ADAM12: variants seen among roughly 807,000 people sequenced by gnomAD.
ADAM12 encodes disintegrin and metalloproteinase domain-containing protein 12.
Under a neutral mutation model 106.4 loss-of-function variants are expected in ADAM12, and 70 were observed. The observed-to-expected ratio is 0.66, with a 90% confidence interval of 0.54 to 0.80. The LOEUF (loss-of-function observed/expected upper bound fraction) is 0.80, where lower values mean the gene tolerates loss of function less well. Ranked by LOEUF, ADAM12 falls within the 30% of genes least tolerant of loss-of-function variation. The pLI is 0.00. For synonymous variants in ADAM12, 420 were observed against 433.5 expected (o/e 0.97, Z 0.39); for missense variants, 1,010 against 1,171.9 (o/e 0.86, Z 2.02).
chr10:126,057,713 C>T (rs1017238211), intron 14 of ADAM12, among the ~76,000 whole-genome samples: 1 of 152,170 alleles, frequency 6.6e-6, no homozygotes, highest in Non-Finnish European at 1.5e-5. Context: ...GAACCACACA[C>T]TGGCCACACC....
intron 3 of ADAM12, among the ~76,000 whole-genome samples, chr10:126,188,898 A>C (rs555904310): frequency 6.6e-6 from 1 of 151,884 alleles, no homozygotes; most frequent in Admixed American, 6.6e-5. Context: ...TCATTCATCT[A>C]TCTGTCCATC....
intron 3 of ADAM12, among the ~76,000 whole-genome samples, chr10:126,156,808 T>C (rs1956825249): frequency 6.6e-6 from 1 of 152,188 alleles, no homozygotes; most frequent in Non-Finnish European, 1.5e-5. Flanking sequence ...GCAGATAATG[T>C]CAAGGTCAGG....
chr10:126,272,500 T>C (rs1590715247), intron 3 of ADAM12, among the ~76,000 whole-genome samples: 1 of 152,186 alleles, frequency 6.6e-6, no homozygotes, highest in South Asian at 2.1e-4. Flanking sequence ...TATTAATGTT[T>C]AGTAAAGATA....
intron 4 of ADAM12, among the ~76,000 whole-genome samples, chr10:126,140,896 G>T (rs941134940): frequency 6.6e-6 from 1 of 152,168 alleles, no homozygotes; most frequent in Non-Finnish European, 1.5e-5. Context: ...TGGGGGTGGG[G>T]GGTGACCCTC....
chr10:126,025,020 AAAC>A (rs1458367520), intron 21 of ADAM12, among the ~76,000 whole-genome samples: 2 of 152,122 alleles, frequency 1.3e-5, no homozygotes, highest in East Asian at 3.9e-4. Flanking sequence ...GTTAAACAGA[AAAC>A]AACAATAACC....
chr10:126,090,404 C>T (rs1403920016), intron 11 of ADAM12, among the ~76,000 whole-genome samples: 2 of 150,996 alleles, frequency 1.3e-5, no homozygotes, highest in Non-Finnish European at 1.5e-5. Flanking sequence ...TTTACTATTA[C>T]GCTAAATATT....
At chr10:126,058,705 C>A (rs774126197) in intron 14 of ADAM12, among the ~76,000 whole-genome samples, 2 of 152,210 alleles carry the variant, frequency 1.3e-5, no homozygotes, top group African/African-American at 2.4e-5. Flanking sequence ...TGATCCCGGT[C>A]AGGATAGCGG....
Position 126,385,351 on chromosome 10 carries a change from G to T in ADAM12, c.88+2707C>A, listed in dbSNP as rs144307643. Among the ~76,000 whole-genome samples the T allele has an allele frequency of 4.8e-3, 729 of 152,294 alleles. 2 individuals carry two copies. Among genetic ancestry groups the T allele is most frequent in the African/African-American group, 0.017 (693 of 41,550 alleles). On this transcript the variant is annotated intron_variant, in intron 1 of 22. Coordinates refer to ENST00000448723, the MANE Select transcript of ADAM12 (RefSeq NM_001288973.2). ...CCCCTCCCTGGAGGTTGCAAGGGAGGTGGCACTAAAAGTCCCAACTCTAAT... is the reference window on the plus strand; with the variant it reads ...CCCCTCCCTGGAGGTTGCAAGGGAGTTGGCACTAAAAGTCCCAACTCTAAT...
At chr10:126,251,679 TGGAGA>T (rs1314730536) in intron 3 of ADAM12, among the ~76,000 whole-genome samples, 15 of 144,804 alleles carry the variant, frequency 1.0e-4, no homozygotes, top group South Asian at 6.7e-4. Flanking sequence ...ATGGATGGGA[TGGAGA>T]GGATGGATGG....
chr10:126,378,615 A>G (rs1332552442), intron 1 of ADAM12, among the ~76,000 whole-genome samples: 1 of 152,200 alleles, frequency 6.6e-6, no homozygotes, highest in Non-Finnish European at 1.5e-5. Flanking sequence ...TCACAGTAGT[A>G]TAGCCTCTGC....
At position 126,012,509 on chromosome 10, in the gene ADAM12, C is replaced by CTG. The variant is rs1339180198; in HGVS notation, c.*4768_*4769dup. ...GAGAAATGTGTACAAAAGCAACAGA[C>CTG]TGTGATAGAAAAAGGTATGTGAAAA... On this transcript the variant is annotated 3_prime_UTR_variant, in exon 23 of 23. Transcript: ENST00000448723. 6.6e-6 allele frequency: 1 copy of CTG among 152,166 alleles called. No individual in the cohort carries two copies. The highest frequency in any genetic ancestry group is 2.4e-5 in the African/African-American group (1 of 41,414). The allele number at this position is 152,166 out of a possible 1,614,324, so 9.4% of individuals were successfully genotyped here.
intron 1 of ADAM12, among the ~76,000 whole-genome samples, chr10:126,387,283 C>T (rs1285262726): frequency 3.3e-5 from 5 of 152,038 alleles, no homozygotes; most frequent in Admixed American, 2.0e-4. Flanking sequence ...CACAGGTGCC[C>T]GATTTTAAGG....
intron 8 of ADAM12, among the ~76,000 whole-genome samples, chr10:126,108,017 T>C (rs1310332426): frequency 4.6e-5 from 7 of 152,134 alleles, no homozygotes; most frequent in Non-Finnish European, 8.8e-5. Flanking sequence ...TTGCAGGGGC[T>C]CCTCCAGCAA....
At chr10:126,068,018 T>C (rs1954907226) in intron 12 of ADAM12, among the ~76,000 whole-genome samples, 1 of 152,222 alleles carries the variant, frequency 6.6e-6, no homozygotes, top group South Asian at 2.1e-4. Flanking sequence ...TTTGATTCTA[T>C]TATACAGACT....
chr10:126,156,949 G>A (rs1021198038), intron 3 of ADAM12, among the ~76,000 whole-genome samples: 2 of 152,194 alleles, frequency 1.3e-5, no homozygotes, highest in Non-Finnish European at 2.9e-5. Flanking sequence ...TTTGTGGATG[G>A]TGAAGGTGCT....
chr10:126,173,097 G>A (rs920923064), intron 3 of ADAM12, among the ~76,000 whole-genome samples: 4 of 152,050 alleles, frequency 2.6e-5, no homozygotes, highest in African/African-American at 9.7e-5. Context: ...CACACACTGG[G>A]GCCTGTCACA....
At chr10:126,179,440 G>T (rs1388112833) in intron 3 of ADAM12, among the ~76,000 whole-genome samples, 1 of 152,206 alleles carries the variant, frequency 6.6e-6, no homozygotes, top group Non-Finnish European at 1.5e-5. Context: ...CTTCCACCAA[G>T]AGTGGTAATG....
chr10:126,076,669 G>A (rs1415419684), intron 11 of ADAM12, among the ~76,000 whole-genome samples: 3 of 152,166 alleles, frequency 2.0e-5, no homozygotes, highest in Non-Finnish European at 4.4e-5. Context: ...TTTGAGAGGT[G>A]TCTGTTTATG....
rs546592163 is a variant in ADAM12, at chr10:126,289,574, G to A, written c.187-10586C>T. Reference sequence around the variant, plus strand: ...AGACCCAGTTCATTTCAGCATCCTCGGACCACCCCAGGTCTTGGAACACCC... The same window carrying A: ...AGACCCAGTTCATTTCAGCATCCTCAGACCACCCCAGGTCTTGGAACACCC... On this transcript the variant is annotated intron_variant, in intron 2 of 22. Transcript: ENST00000448723. Among the ~76,000 whole-genome samples the A allele has an allele frequency of 7.6e-4, 115 of 152,264 alleles. 1 individual carries two copies. Among genetic ancestry groups the A allele is most frequent in the African/African-American group, 2.6e-3 (107 of 41,558 alleles).
Sources: gnomAD v4.1 joint callset for allele counts (sites outside exome capture counted in the v4.1 genomes callset) on GRCh38, gnomAD v4.1.1 for gene constraint, MANE v1.5 for transcripts, NCBI Gene and HGNC (gene_info 2026-07-23, HGNC 2026-07-21) for gene names.